WWOX: variants seen among roughly 807,000 people sequenced by gnomAD.
The protein encoded by WWOX is WW domain containing oxidoreductase, also known as WW domain-containing oxidoreductase.
In WWOX, 69 loss-of-function variants were observed where a neutral mutation model predicts 46.2. That is an observed-to-expected ratio of 1.49 (90% CI 1.23 to 1.82). The LOEUF (loss-of-function observed/expected upper bound fraction) is 1.82, where lower values mean the gene tolerates loss of function less well. WWOX is among the 40% of genes most tolerant of loss of function. The pLI, the probability that WWOX is intolerant of heterozygous loss-of-function variation, is 0.00. For synonymous variants in WWOX, 359 were observed against 202.6 expected, an observed-to-expected ratio of 1.77 and a Z score of -6.56; for missense variants, 919 against 542.6, an observed-to-expected ratio of 1.69 and a Z score of -6.89.
chr16:78,221,088 T>A (rs1195412893), intron 5 of WWOX, among the ~76,000 whole-genome samples: 4 of 152,226 alleles, frequency 2.6e-5, no homozygotes, highest in East Asian at 3.8e-4. Context: ...ATCACAGAGT[T>A]AAGCTCGGTT....
intron 8 of WWOX, among the ~76,000 whole-genome samples, chr16:78,755,599 C>T (rs2049624415): frequency 6.6e-6 from 1 of 152,180 alleles, no homozygotes; most frequent in African/African-American, 2.4e-5. Context: ...CAGTGCCACA[C>T]ACCCACTGGG....
intron 8 of WWOX, among the ~76,000 whole-genome samples, chr16:79,003,360 A>G (rs2047130877): frequency 6.6e-6 from 1 of 152,188 alleles, no homozygotes; most frequent in South Asian, 2.1e-4. Context: ...TATACCGGGA[A>G]CAGAACATAT....
intron 4 of WWOX, among the ~76,000 whole-genome samples, chr16:78,122,749 C>T (rs1597230874): frequency 1.3e-5 from 2 of 151,878 alleles, no homozygotes; most frequent in Non-Finnish European, 1.5e-5. Context: ...GGATTACAGG[C>T]GTGAGCCACT....
chr16:78,611,547 G>A (rs2045900654), intron 8 of WWOX, among the ~76,000 whole-genome samples: 1 of 152,126 alleles, frequency 6.6e-6, no homozygotes, highest in African/African-American at 2.4e-5. Context: ...AGCTCTGTAT[G>A]GCCAGTACTG....
chr16:78,897,694 C>G (rs971030817), intron 8 of WWOX: 1 of 151,964 alleles, frequency 6.6e-6, no homozygotes, highest in Non-Finnish European at 1.5e-5. Flanking sequence ...TTGATAAATA[C>G]CTAGGTGTGA....
At chr16:78,759,385 C>T (rs540554398) in intron 8 of WWOX, among the ~76,000 whole-genome samples, 21 of 152,248 alleles carry the variant, frequency 1.4e-4, no homozygotes, top group African/African-American at 3.1e-4. Context: ...TTCTATTCTA[C>T]CCTCTCTCTG....
intron 8 of WWOX, among the ~76,000 whole-genome samples, chr16:78,785,993 G>A (rs909455943): frequency 2.0e-5 from 3 of 152,154 alleles, no homozygotes; most frequent in South Asian, 2.1e-4. Context: ...CGCAACCTCC[G>A]CCTCCTGGGT....
intron 5 of WWOX, among the ~76,000 whole-genome samples, chr16:78,198,734 T>A (rs1430489109): frequency 6.6e-6 from 1 of 152,234 alleles, no homozygotes; most frequent in Non-Finnish European, 1.5e-5. Flanking sequence ...CCTCCCATTA[T>A]GTTTGTAACT....
chr16:78,404,166 G>C (rs1421955193), intron 6 of WWOX, among the ~76,000 whole-genome samples: 1 of 152,110 alleles, frequency 6.6e-6, no homozygotes, highest in Non-Finnish European at 1.5e-5. Flanking sequence ...TGGTAACAGA[G>C]GGAGGGACTC....
chr16:78,268,964 C>G (rs1210858175), intron 5 of WWOX: 1 of 152,098 alleles, frequency 6.6e-6, no homozygotes, highest in African/African-American at 2.4e-5. Flanking sequence ...TGTACATCCT[C>G]CTTCATGTTA....
At chr16:78,347,879 A>G (rs1331865143) in intron 5 of WWOX, among the ~76,000 whole-genome samples, 2 of 122,168 alleles carry the variant, frequency 1.6e-5, no homozygotes, top group Admixed American at 7.9e-5. Flanking sequence ...TAAATGTTGT[A>G]CATATCTTAA....
chr16:79,174,502 A>T (rs140108160), intron 8 of WWOX, among the ~76,000 whole-genome samples: 1 of 152,146 alleles, frequency 6.6e-6, no homozygotes, highest in Non-Finnish European at 1.5e-5. Context: ...TACAAAAATT[A>T]GCCAGGCGTG....
intron 8 of WWOX, chr16:79,106,773 C>G (rs2049317525): frequency 6.7e-6 from 1 of 148,550 alleles, no homozygotes; most frequent in African/African-American, 2.5e-5. Context: ...TGTGTGCCAC[C>G]ATACCCAGAT....
chr16:78,375,308 A>G (rs1196193562), intron 5 of WWOX, among the ~76,000 whole-genome samples: 2 of 152,238 alleles, frequency 1.3e-5, no homozygotes, highest in African/African-American at 4.8e-5. Flanking sequence ...TCAGCCAAAC[A>G]GCCTGAAGAA....
chr16:78,195,882 A>G (rs1472849577), intron 5 of WWOX, among the ~76,000 whole-genome samples: 6 of 152,080 alleles, frequency 3.9e-5, no homozygotes, highest in Non-Finnish European at 4.4e-5. Context: ...AGACAAATGA[A>G]AAAGATTGAA....
rs2045594668 is a variant in WWOX at position 78,600,420 on chromosome 16, G to A, written c.1056+167668G>A. Among the ~76,000 whole-genome samples the A allele has an allele frequency of 3.3e-5, 5 of 152,134 alleles. No homozygotes were observed. The South Asian group carries it at 1.0e-3, about 32-fold the overall frequency. ...ATTTGTTACTGGGTTGTTTCCAACA[G>A]AATCAAGGACTCGGATTTTTATGTG... On this transcript the variant is annotated intron_variant, in intron 8 of 8. Transcript: ENST00000566780.
intron 8 of WWOX, among the ~76,000 whole-genome samples, chr16:78,658,075 A>G (rs2047121750): frequency 6.6e-6 from 1 of 152,126 alleles, no homozygotes; most frequent in African/African-American, 2.4e-5. Context: ...GTGAGTTACA[A>G]GACATTAAGC....
chr16:78,157,104 G>A (rs2034632381), intron 4 of WWOX, among the ~76,000 whole-genome samples: 1 of 151,794 alleles, frequency 6.6e-6, no homozygotes, highest in African/African-American at 2.4e-5. Context: ...TGATGAAACT[G>A]TGAAGAAAGA....
intron 8 of WWOX, among the ~76,000 whole-genome samples, chr16:78,957,533 T>C (rs964008461): frequency 6.6e-6 from 1 of 152,212 alleles, no homozygotes; most frequent in Admixed American, 6.5e-5. Context: ...GAATGTCTAC[T>C]GCTGCACACC....
Sources: gnomAD v4.1 joint callset for allele counts (sites outside exome capture counted in the v4.1 genomes callset) on GRCh38, gnomAD v4.1.1 for gene constraint, MANE v1.5 for transcripts, NCBI Gene and HGNC (gene_info 2026-07-23, HGNC 2026-07-21) for gene names.